The following USP42 variants were observed in gnomAD, a reference collection of about 807,000 sequenced individuals.
USP42 encodes ubiquitin carboxyl-terminal hydrolase 42.
A neutral mutation model predicts 113.0 loss-of-function variants in USP42; 23 were observed. The observed-to-expected ratio is 0.20, with a 90% CI of 0.15 to 0.29. The LOEUF (loss-of-function observed/expected upper bound fraction) is 0.29, where lower values mean the gene tolerates loss of function less well. Among genes scored for constraint, USP42 ranks in the 10% least tolerant of loss-of-function variants. USP42 has a pLI of 1.00. For missense variants in USP42, 2,174 were observed against 1,779.8 expected (o/e 1.22, Z -3.99); for synonymous variants, 933 against 699.0 (o/e 1.33, Z -5.28).
At chr7:6,112,900 CTTT>C (rs34002709) in intron 2 of USP42, among the ~76,000 whole-genome samples, 4 of 102,760 alleles carry the variant, frequency 3.9e-5, no homozygotes, top group African/African-American at 4.0e-5. Flanking sequence ...TAGTAAGTTT[CTTT>C]TTTTTTTTTT....
intron 14 of USP42, chr7:6,153,028 T>A (rs1782162443): frequency 1.1e-6 from 1 of 909,918 alleles, no homozygotes; most frequent in Non-Finnish European, 1.3e-6. Flanking sequence ...CCCAGCACTT[T>A]GGGAGGCTGA....
chr7:6,091,888 C>T, the USP42 span, among the ~76,000 whole-genome samples: 7 of 150,680 alleles, frequency 4.6e-5, no homozygotes, highest in East Asian at 9.7e-4. Flanking sequence ...CACTCTCAAT[C>T]GGCATTTCTT....
At chr7:6,153,657 T>C (rs1782202909) in intron 14 of USP42, 99 bp from the exon 15 acceptor site, 7 of 1,321,700 alleles carry the variant, frequency 5.3e-6, no homozygotes, top group Non-Finnish European at 5.9e-6. Flanking sequence ...AGAGACGAAA[T>C]AGCAAATGAA....
Position 6,157,482 on chromosome 7 carries a change from C to G in USP42, c.3943+427C>G, listed in dbSNP as rs974977563. 2.7e-6 allele frequency: 2 copies of G among 734,030 alleles called. No homozygotes were observed. The highest frequency in any genetic ancestry group is 6.3e-5 in the Admixed American group (1 of 15,954). The allele number at this position is 734,030 out of a possible 1,614,324, so 45.5% of individuals were successfully genotyped here. A position where few individuals can be genotyped will look rare whatever the true frequency, so the allele number is the denominator to read the frequency against. Reference sequence around the variant, plus strand: ...CGGCGATCTCAGCTCACTGCAACCTCTGCCTCCCAGGTTCATGCTGTTCTC... The same window carrying G: ...CGGCGATCTCAGCTCACTGCAACCTGTGCCTCCCAGGTTCATGCTGTTCTC... On this transcript the variant is annotated intron_variant, in intron 16 of 17. Coordinates refer to ENST00000306177, the MANE Select transcript of USP42 (RefSeq NM_032172.3). This position sits in a 1 kb window ranked among gnomAD's most constrained non-coding sequence, Gnocchi z 4.1.
chr7:6,112,058 T>C (rs1387766957), intron 2 of USP42: 3 of 152,312 alleles, frequency 2.0e-5, no homozygotes, highest in Non-Finnish European at 2.9e-5. Context: ...GTAAAATGGT[T>C]GTCTTTTGAC....
chr7:6,136,774 A>G (rs2128500803), intron 4 of USP42, among the ~76,000 whole-genome samples: 1 of 152,252 alleles, frequency 6.6e-6, no homozygotes, highest in East Asian at 1.9e-4. Context: ...TAAAATAAGA[A>G]ATAAATAAGG....
chr7:6,154,977 CG>C lies in USP42; in HGVS notation c.3425del (p.Gly1142GlufsTer46). 1 of 1,562,316 alleles carries C rather than the reference CG, an allele frequency of 6.4e-7. No homozygotes were observed. The highest frequency in any genetic ancestry group is 8.7e-7 in the Non-Finnish European group (1 of 1,152,894). On this transcript the variant is annotated frameshift_variant, in exon 15 of 18. Transcript: ENST00000306177. LOFTEE classifies it high-confidence loss of function. ...CCCACGACAGAACTGCACTTGTAGC[CG>C]GAGACAACTGTAACCTCTCTGATCG... Reference protein sequence around the residue: ...FSHDRTALVAGDNCNLSDRFH... With the variant: ...FSHDRTALVAXDNCNLSDRFH...
chr7:6,102,419 AG>A (rs1173759750), upstream of USP42, among the ~76,000 whole-genome samples: 1 of 149,626 alleles, frequency 6.7e-6, no homozygotes, highest in East Asian at 2.0e-4. Flanking sequence ...GATTCTACTA[AG>A]ATTTAAGGGG....
In USP42 at chr7:6,154,654, A is replaced by G. The variant is rs1245808352; in HGVS notation, c.3100A>G (p.Arg1034Gly). Residue 1034 changes from arginine (R) to glycine (G), a missense_variant, in exon 15 of 18, where the codon AGA becomes GGA. By Grantham distance (125) the Arg-to-Gly change is moderately radical (BLOSUM62 -2). Transcript: ENST00000306177. ...GAGCGGGGTGGAGCTGGACTGGGTC[A>G]GACACCACTACACCGAGGGCGAGCG... is the stretch of plus-strand genomic sequence containing the variant. ...HRSGVELDWV[R>G]HHYTEGERGW... 6.2e-7 allele frequency: 1 copy of G among 1,606,310 alleles called. No homozygotes were observed. The highest frequency in any genetic ancestry group is 8.5e-7 in the Non-Finnish European group (1 of 1,177,398).
intron 3 of USP42, among the ~76,000 whole-genome samples, chr7:6,122,652 G>C (rs1780294985): frequency 6.6e-6 from 1 of 151,266 alleles, no homozygotes. Context: ...TATATTTTTA[G>C]TAGAGATGGG....
chr7:6,092,731 C>G, the USP42 span, among the ~76,000 whole-genome samples: 1 of 151,172 alleles, frequency 6.6e-6, no homozygotes, highest in African/African-American at 2.5e-5. Context: ...GATTTGGGAT[C>G]TGTCTCCTAA....
chr7:6,114,674 A>ATT (rs1319929669), intron 2 of USP42, among the ~76,000 whole-genome samples: 662 of 34,772 alleles, frequency 0.019, 29 homozygotes, highest in Non-Finnish European at 0.024. Flanking sequence ...ATATATATAT[A>ATT]TATATTTTTT....
At chr7:6,125,725 A>G (rs868411275) in intron 3 of USP42, among the ~76,000 whole-genome samples, 1 of 150,810 alleles carries the variant, frequency 6.6e-6, no homozygotes, top group South Asian at 2.1e-4. Flanking sequence ...TTATGTATTC[A>G]GATTTCCATT....
rs766589310 is a variant in USP42, at chr7:6,154,907, G to T, written c.3353G>T (p.Arg1118Leu). 1 of 1,546,072 alleles carries T rather than the reference G, an allele frequency of 6.5e-7. No individual in the cohort carries two copies. ...ERERHRPSSP[R>L]AGAPHALAPH... is the part of the protein sequence containing the mutation. ...GAGCGGCACCGCCCCAGCAGCCCCC[G>T]CGCAGGCGCGCCCCACGCCCTCGCC... Residue 1118 changes from arginine to leucine, a missense_variant, in exon 15 of 18, where the codon CGC becomes CTC. Physicochemically the swap from Arg to Leu is moderately radical, Grantham distance 102. Coordinates refer to ENST00000306177, the MANE Select transcript of USP42 (RefSeq NM_032172.3).
At chr7:6,145,799 G>A (rs369604397) in intron 10 of USP42, 143 bp downstream of exon 10, 1 of 1,002,984 alleles carries the variant, frequency 1.0e-6, no homozygotes, top group East Asian at 2.6e-5. Context: ...GCCGGGCGCA[G>A]TGGCTTACTC....
chr7:6,129,725 G>T (rs888312628), intron 3 of USP42, among the ~76,000 whole-genome samples: 1 of 151,982 alleles, frequency 6.6e-6, no homozygotes, highest in Non-Finnish European at 1.5e-5. Flanking sequence ...GCCAGGTGTG[G>T]TGGTGCACAC....
At chr7:6,111,479 C>CTCAGGTGGCCTCA in intron 2 of USP42, 105 bp downstream of exon 2, 1 of 1,371,368 alleles carries the variant, frequency 7.3e-7, no homozygotes, top group Non-Finnish European at 9.8e-7. Flanking sequence ...CGTGAGGCCA[C>CTCAGGTGGCCTCA]CTGAGTGGCC....
rs540439547 is a variant in USP42 at position 6,142,849 on chromosome 7, A to G, written c.796-83A>G. On this transcript the variant is annotated intron_variant, in intron 7 of 17. Transcript: ENST00000306177. Reference sequence around the variant, plus strand: ...CAGTGAGCTGTGATTGTGCCACTGCACTCCAGCCTGGGTGGCAGGGCAAGA... The same window carrying G: ...CAGTGAGCTGTGATTGTGCCACTGCGCTCCAGCCTGGGTGGCAGGGCAAGA... The G allele has an allele frequency of 7.7e-5, 103 of 1,339,828 alleles. No individual in the cohort carries two copies. The South Asian group carries it at 1.2e-3, about 16-fold the overall frequency. 83.0% of individuals were successfully genotyped at this position (1,339,828 alleles called of 1,614,324 possible).
At chr7:6,143,054 C>G in intron 8 of USP42, 40 bp downstream of exon 8, 1 of 1,605,104 alleles carries the variant, frequency 6.2e-7, no homozygotes, top group Non-Finnish European at 8.5e-7. Flanking sequence ...GCCGGCTTCT[C>G]CAGTGGGGAT....
Sources: allele counts gnomAD v4.1 joint callset (sites outside exome capture counted in the v4.1 genomes callset), GRCh38; gene constraint gnomAD v4.1.1; non-coding constraint Gnocchi (gnomAD v3.1); transcripts MANE v1.5; gene names NCBI Gene and HGNC (gene_info 2026-07-23, HGNC 2026-07-21).